The following CLIC5 variants were observed in gnomAD, a reference collection of about 807,000 sequenced individuals.
CLIC5 encodes CLIC family member 5.
CLIC5 carries 20 observed loss-of-function variants against 24.7 expected under a neutral mutation model. The ratio of observed to expected loss-of-function variants is 0.81; its 90% CI spans 0.57 to 1.18. The LOEUF is 1.18. Among genes scored for constraint, CLIC5 ranks in the 50% most tolerant of loss-of-function variants. The pLI, the probability that CLIC5 is intolerant of heterozygous loss-of-function variation, is 0.00. For missense variants in CLIC5, 341 were observed against 326.1 expected, an observed-to-expected ratio of 1.05 and a Z score of -0.35; for synonymous variants, 159 against 135.6, an observed-to-expected ratio of 1.17 and a Z score of -1.20.
intron 3 of CLIC5, among the ~76,000 whole-genome samples, chr6:45,947,969 ATTGT>A (rs898790781): frequency 2.0e-5 from 3 of 152,158 alleles, no homozygotes; most frequent in African/African-American, 7.2e-5. Flanking sequence ...AGAATATATG[ATTGT>A]TTAAGGCTTA....
chr6:45,881,316 C>A (rs1762260967), intron 6 of CLIC5: 1 of 392,746 alleles, frequency 2.5e-6, no homozygotes, highest in East Asian at 3.6e-5. Context: ...TGTTAAAGCC[C>A]AAATCTTAAC....
rs1391532854 is a variant in CLIC5, at chr6:46,006,308, C to T, written c.63+9172G>A. 2.6e-5 allele frequency among the ~76,000 whole-genome samples: 4 copies of T among 151,490 alleles called. No homozygotes were observed. In the East Asian group the frequency reaches 7.8e-4, roughly 30 times the overall value. ...TACAGGCATGCGCCACCATGTCCAGCTAATTTTTTGTATCTTTAGTAGAGA... is the reference window on the plus strand; with the variant it reads ...TACAGGCATGCGCCACCATGTCCAGTTAATTTTTTGTATCTTTAGTAGAGA... On this transcript the variant is annotated intron_variant, in intron 1 of 5. Transcript: ENST00000339561.
At chr6:46,060,590 G>T (rs35666540) in intron 1 of CLIC5, among the ~76,000 whole-genome samples, 1 of 152,044 alleles carries the variant, frequency 6.6e-6, no homozygotes, top group Non-Finnish European at 1.5e-5. Context: ...GAACCCACAC[G>T]CTCTTGCTTG....
chr6:45,907,291 TTTTTG>T (rs1334150297), intron 5 of CLIC5, among the ~76,000 whole-genome samples: 3 of 152,226 alleles, frequency 2.0e-5, no homozygotes, highest in African/African-American at 7.2e-5. Context: ...GATCATTTCA[TTTTTG>T]TTTTTAATTC....
chr6:45,989,949 G>C (rs561185977), intron 1 of CLIC5, among the ~76,000 whole-genome samples: 2 of 152,224 alleles, frequency 1.3e-5, no homozygotes, highest in African/African-American at 4.8e-5. Flanking sequence ...ATCCATATAT[G>C]CATCTTTGTT....
intron 1 of CLIC5, among the ~76,000 whole-genome samples, chr6:45,965,727 C>T (rs141520409): frequency 7.9e-5 from 12 of 152,306 alleles, no homozygotes; most frequent in African/African-American, 2.6e-4. Context: ...AATCCCCATC[C>T]TAATACAGGA....
Position 45,899,488 on chromosome 6 carries a change from A to T in CLIC5, c.*3600T>A, listed in dbSNP as rs1762455838. On this transcript the variant is annotated 3_prime_UTR_variant, in exon 6 of 6. Transcript: ENST00000339561. ...TGCTTCTAGTTTAATTTAATTTTAG[A>T]CACACACTCTCACAGTGATGCTAAA... 6.6e-6 allele frequency: 1 copy of T among 152,218 alleles called. No homozygotes were observed. The highest frequency in any genetic ancestry group is 2.1e-4 in the South Asian group (1 of 4,826). 9.4% of individuals were successfully genotyped at this position (152,218 alleles called of 1,614,324 possible). A position where few individuals can be genotyped will look rare whatever the true frequency, so the allele number is the denominator to read the frequency against.
chr6:45,885,589 C>A (rs1326163335), intron 6 of CLIC5, among the ~76,000 whole-genome samples: 5 of 152,136 alleles, frequency 3.3e-5, no homozygotes, highest in African/African-American at 1.2e-4. Context: ...TTTCCCATTG[C>A]GGATACAAAT....
At chr6:46,067,036 G>A (rs905000454) in intron 1 of CLIC5, among the ~76,000 whole-genome samples, 4 of 152,118 alleles carry the variant, frequency 2.6e-5, no homozygotes, top group South Asian at 2.1e-4. Context: ...GTAATGGGAC[G>A]CTCAAAGGTG....
chr6:45,958,443 T>TACACACACACACAC lies in CLIC5; in HGVS notation c.64-3200_64-3199insGTGTGTGTGTGTGT, dbSNP rs1283521914. 2.1e-3 allele frequency among the ~76,000 whole-genome samples: 117 copies of TACACACACACACAC among 55,624 alleles called. 16 individuals are homozygous for TACACACACACACAC. Among genetic ancestry groups the TACACACACACACAC allele is most frequent in the African/African-American group, 6.2e-3 (105 of 16,960 alleles). 36.5% of individuals were successfully genotyped at this position (55,624 alleles called of 152,430 possible). A position where few individuals can be genotyped will look rare whatever the true frequency, so the allele number is the denominator to read the frequency against. On this transcript the variant is annotated intron_variant, in intron 1 of 5. Coordinates refer to ENST00000339561, the MANE Select transcript of CLIC5 (RefSeq NM_016929.5). ...ACAATTATATATATATATATATATA[T>TACACACACACACAC]ATATATATATATATATATATATATA...
At chr6:45,970,150 G>A (rs1042071428) in intron 1 of CLIC5, among the ~76,000 whole-genome samples, 2 of 152,150 alleles carry the variant, frequency 1.3e-5, no homozygotes, top group African/African-American at 2.4e-5. Context: ...CTGTGCAACA[G>A]GGAAATGTTT....
chr6:45,957,419 G>C (rs900530112), intron 1 of CLIC5, among the ~76,000 whole-genome samples: 1 of 152,134 alleles, frequency 6.6e-6, no homozygotes, highest in African/African-American at 2.4e-5. Context: ...GGTTATCATC[G>C]TGGTGAAACC....
chr6:46,119,077 A>T, the CLIC5 span, among the ~76,000 whole-genome samples: 1 of 152,216 alleles, frequency 6.6e-6, no homozygotes, highest in Non-Finnish European at 1.5e-5. Context: ...AAAGGCAACA[A>T]AATGAATTCT....
intron 1 of CLIC5, among the ~76,000 whole-genome samples, chr6:45,969,435 C>G (rs1333163200): frequency 1.4e-5 from 2 of 146,510 alleles, no homozygotes; most frequent in Non-Finnish European, 3.0e-5. Flanking sequence ...GCTGTCCCCA[C>G]CCCATGTCCC....
At chr6:46,013,021 T>C (rs903333323) in intron 1 of CLIC5, among the ~76,000 whole-genome samples, 2 of 152,220 alleles carry the variant, frequency 1.3e-5, no homozygotes, top group Non-Finnish European at 2.9e-5. Context: ...ATAATGACTA[T>C]CAATTGACGT....
At chr6:46,107,246 C>T in the CLIC5 span, among the ~76,000 whole-genome samples, 1 of 152,028 alleles carries the variant, frequency 6.6e-6, no homozygotes. Flanking sequence ...AAAACTGTTG[C>T]TTCTCTGACA....
chr6:46,101,903 C>G, the CLIC5 span, among the ~76,000 whole-genome samples: 1 of 151,620 alleles, frequency 6.6e-6, no homozygotes, highest in Non-Finnish European at 1.5e-5. Context: ...ATACATTACA[C>G]CATTCCTGGG....
chr6:46,109,579 A>G, the CLIC5 span, among the ~76,000 whole-genome samples: 1 of 151,524 alleles, frequency 6.6e-6, no homozygotes, highest in Non-Finnish European at 1.5e-5. Flanking sequence ...TGCTAACTCA[A>G]CAGCAATCAA....
At chr6:45,917,346 T>C (rs1193548376) in intron 4 of CLIC5, among the ~76,000 whole-genome samples, 1 of 152,198 alleles carries the variant, frequency 6.6e-6, no homozygotes, top group Non-Finnish European at 1.5e-5. Context: ...ATGGTAGTTG[T>C]TGCTATTGCC....
Sources: allele counts gnomAD v4.1 joint callset (sites outside exome capture counted in the v4.1 genomes callset), GRCh38; gene constraint gnomAD v4.1.1; transcripts MANE v1.5; gene names NCBI Gene and HGNC (gene_info 2026-07-23, HGNC 2026-07-21).